The following KDM4B variants were observed in gnomAD, a reference collection of about 807,000 sequenced individuals.
The protein encoded by KDM4B is lysine-specific demethylase 4B.
In KDM4B, 32 loss-of-function variants were observed where a neutral mutation model predicts 125.2. The ratio of observed to expected loss-of-function variants is 0.26; its 90% CI spans 0.19 to 0.34. KDM4B has a LOEUF of 0.34. KDM4B is among the 10% of genes least tolerant of loss of function. KDM4B has a pLI of 1.00. For missense variants in KDM4B, 1,190 were observed against 1,577.7 expected (o/e 0.75, Z 4.16); for synonymous variants, 721 against 677.9 (o/e 1.06, Z -0.99).
chr19:5,133,448 G>A (rs1185309969), intron 13 of KDM4B, among the ~76,000 whole-genome samples: 3 of 152,186 alleles, frequency 2.0e-5, no homozygotes, highest in Non-Finnish European at 4.4e-5. Flanking sequence ...GCTGGTCACT[G>A]CCGACGCCCC....
rs1432550060 is a variant in KDM4B, at chr19:5,131,558, G to A, written c.1785+13G>A. ...CGGAGAGGGGCAGGTGGGGTGGAGCGGGGGAGGCAGGGAGGAGGGGGGCAG... is the reference window on the plus strand; with the variant it reads ...CGGAGAGGGGCAGGTGGGGTGGAGCAGGGGAGGCAGGGAGGAGGGGGGCAG... On this transcript the variant is annotated intron_variant, in intron 12 of 22. Transcript: ENST00000159111. 3.7e-4 allele frequency: 444 copies of A among 1,200,580 alleles called. No individual in the cohort carries two copies. The highest frequency in any genetic ancestry group is 1.6e-3 in the Admixed American group (75 of 47,358). The allele number at this position is 1,200,580 out of a possible 1,614,324, so 74.4% of individuals were successfully genotyped here.
chr19:5,011,242 A>G (rs376620842), intron 1 of KDM4B, among the ~76,000 whole-genome samples: 8 of 152,150 alleles, frequency 5.3e-5, no homozygotes, highest in African/African-American at 1.9e-4. Flanking sequence ...GATGTTTACA[A>G]ACTGTGGCCT....
Position 4,999,739 on chromosome 19 carries a change from G to GTCAATCTA in KDM4B, c.-108-16516_-108-16515insAATCTATC, listed in dbSNP as rs2035310237. On this transcript the variant is annotated intron_variant, in intron 1 of 22. Coordinates refer to ENST00000159111, the MANE Select transcript of KDM4B (RefSeq NM_015015.3). ...CACCTGTCCACCCACCCACCCACCT[G>GTCAATCTA]TCCATCTATCCATCTATCCATCCAT... 1.0e-3 allele frequency among the ~76,000 whole-genome samples: 35 copies of GTCAATCTA among 34,184 alleles called. No homozygotes were observed. In the South Asian group the frequency reaches 0.031, roughly 30 times the overall value. 22.4% of individuals were successfully genotyped at this position (34,184 alleles called of 152,430 possible).
intron 11 of KDM4B, among the ~76,000 whole-genome samples, chr19:5,126,838 G>A (rs1158678413): frequency 6.6e-6 from 1 of 152,256 alleles, no homozygotes; most frequent in Non-Finnish European, 1.5e-5. Context: ...CCCAGGCATG[G>A]AAGCCAAGCA....
Position 5,071,484 on chromosome 19 carries a change from A to G in KDM4B, c.676+425A>G, listed in dbSNP as rs144932455. Among the ~76,000 whole-genome samples the G allele has an allele frequency of 1.0e-3, 156 of 152,290 alleles. 1 individual carries two copies. The highest frequency in any genetic ancestry group is 3.4e-3 in the African/African-American group (143 of 41,554). ...CCAGCAGTCCGCTTACCTGCGGGGG[A>G]GCAGACATGGTGGCCGCACGGCGTT... On this transcript the variant is annotated intron_variant, in intron 7 of 22. Coordinates refer to ENST00000159111, the MANE Select transcript of KDM4B (RefSeq NM_015015.3).
intron 15 of KDM4B, among the ~76,000 whole-genome samples, chr19:5,136,465 C>T (rs2039650702): frequency 1.3e-5 from 2 of 152,192 alleles, no homozygotes; most frequent in South Asian, 4.1e-4. Context: ...TGGCGGTGGC[C>T]TGCCTGGGGG....
chr19:5,098,827 C>G lies in KDM4B; in HGVS notation c.919-11795C>G, dbSNP rs2038877375. ...AAGTCACCCTCACCAGACACCAGAC[C>G]TGCCAGTGCCCTGATCTTGGACTTC... On this transcript the variant is annotated intron_variant, in intron 9 of 22. Coordinates refer to ENST00000159111, the MANE Select transcript of KDM4B (RefSeq NM_015015.3). Among the ~76,000 whole-genome samples, 4 of 152,170 alleles carry G rather than the reference C, an allele frequency of 2.6e-5. No homozygotes were observed. The South Asian group carries it at 8.3e-4, about 32-fold the overall frequency.
intron 6 of KDM4B, among the ~76,000 whole-genome samples, chr19:5,051,617 G>A (rs953461477): frequency 2.6e-5 from 4 of 152,270 alleles, no homozygotes; most frequent in African/African-American, 2.4e-5. Context: ...GGAGTGCCGC[G>A]GGGCCAGCGC....
rs546516799 is a variant in KDM4B, at chr19:5,048,608, G to A, written c.626+939G>A. On this transcript the variant is annotated intron_variant, in intron 6 of 22. Transcript: ENST00000159111. The stretch of plus-strand genomic sequence containing the variant: ...TGGAGTTGTAAGCGGGGAGAGGGGG[G>A]GGCGGGGGAGAATGCTGTACCTCTT... 1.5e-3 allele frequency among the ~76,000 whole-genome samples: 225 copies of A among 152,236 alleles called. 1 individual carries two copies. The highest frequency in any genetic ancestry group is 2.6e-3 in the Admixed American group (39 of 15,286).
At chr19:5,136,807 G>A (rs1291723711) in intron 15 of KDM4B, among the ~76,000 whole-genome samples, 1 of 152,230 alleles carries the variant, frequency 6.6e-6, no homozygotes, top group Non-Finnish European at 1.5e-5. Flanking sequence ...CCCTCGCTCT[G>A]GGGGCATGAT....
rs2039956104 is a variant in KDM4B, at chr19:5,151,988, C to T, written c.*477C>T. The T allele has an allele frequency of 6.5e-6, 1 of 153,390 alleles. No homozygotes were observed. Among genetic ancestry groups the T allele is most frequent in the African/African-American group, 2.4e-5 (1 of 41,526 alleles). The allele number at this position is 153,390 out of a possible 1,614,324, so 9.5% of individuals were successfully genotyped here. On this transcript the variant is annotated 3_prime_UTR_variant, in exon 23 of 23. Transcript: ENST00000159111. ...AACAAAACAAACACATTGTTTTTCTCAGAACCAGGATTCTCTGAGAGGTCA... is the reference window on the plus strand; with the variant it reads ...AACAAAACAAACACATTGTTTTTCTTAGAACCAGGATTCTCTGAGAGGTCA...
chr19:5,011,484 C>T (rs1028499942), intron 1 of KDM4B, among the ~76,000 whole-genome samples: 2 of 150,954 alleles, frequency 1.3e-5, no homozygotes, highest in Non-Finnish European at 2.9e-5. Flanking sequence ...GTACGCAGAG[C>T]CCCTGGAAAA....
At chr19:5,125,765 G>A (rs1348045475) in intron 11 of KDM4B, among the ~76,000 whole-genome samples, 2 of 152,108 alleles carry the variant, frequency 1.3e-5, no homozygotes, top group African/African-American at 2.4e-5. Context: ...CTCAGGACTG[G>A]TGCTGCCCAC....
intron 9 of KDM4B, among the ~76,000 whole-genome samples, chr19:5,089,012 C>G (rs2038601386): frequency 6.6e-6 from 1 of 151,974 alleles, no homozygotes; most frequent in Non-Finnish European, 1.5e-5. Context: ...CAAGCCAGTG[C>G]TCAGAGGCAG....
chr19:5,151,049 C>A (rs2039938162), intron 22 of KDM4B, among the ~76,000 whole-genome samples: 1 of 152,194 alleles, frequency 6.6e-6, no homozygotes, highest in African/African-American at 2.4e-5. Context: ...AGCTGCTCAG[C>A]CGCAGAGGGG....
chr19:5,015,109 TAGCTG>T (rs1280148047), intron 1 of KDM4B, among the ~76,000 whole-genome samples: 1 of 151,866 alleles, frequency 6.6e-6, no homozygotes, highest in African/African-American at 2.4e-5. Flanking sequence ...GAGTTGGCAT[TAGCTG>T]AGCAGAAGGA....
intron 9 of KDM4B, among the ~76,000 whole-genome samples, chr19:5,088,664 C>CCCCCCCCCCCCCCCA (rs1599593937): frequency 9.9e-6 from 1 of 101,300 alleles, no homozygotes; most frequent in Non-Finnish European, 2.1e-5. Flanking sequence ...GGCCCCCCCC[C>CCCCCCCCCCCCCCCA]TCCCCCCCCC....
Position 5,144,405 on chromosome 19 carries a change from G to C in KDM4B, c.2894G>C (p.Ser965Thr). 1.8e-6 allele frequency: 2 copies of C among 1,084,806 alleles called. No homozygotes were observed. The highest frequency in any genetic ancestry group is 2.8e-6 in the Non-Finnish European group (2 of 726,426). The allele number at this position is 1,084,806 out of a possible 1,614,324, so 67.2% of individuals were successfully genotyped here. A position where few individuals can be genotyped will look rare whatever the true frequency, so the allele number is the denominator to read the frequency against. ...GSYSDNLYPE[S>T]ITSRDCVQLG... ...TACAGCGACAACCTGTACCCTGAGA[G>C]CATCACGGTGAGCTGTGGGGTGGGG... The change falls in exon 20 of 23, where the codon AGC becomes ACC. Residue 965 changes from serine to threonine, a missense_variant. Coordinates refer to ENST00000159111, the MANE Select transcript of KDM4B (RefSeq NM_015015.3).
chr19:5,096,331 C>T (rs1042916511), intron 9 of KDM4B, among the ~76,000 whole-genome samples: 5 of 152,136 alleles, frequency 3.3e-5, no homozygotes, highest in African/African-American at 7.2e-5. Flanking sequence ...GTGATCCACC[C>T]GCCTTGGCCT....
Sources: gnomAD v4.1 joint callset for allele counts (sites outside exome capture counted in the v4.1 genomes callset) on GRCh38, gnomAD v4.1.1 for gene constraint, MANE v1.5 for transcripts, NCBI Gene and HGNC (gene_info 2026-07-23, HGNC 2026-07-21) for gene names.